The following CDH18 variants were observed in gnomAD, a reference collection of about 807,000 sequenced individuals.
CDH18 encodes the protein cadherin 18, also known as cadherin-18.
In CDH18, 31 loss-of-function variants were observed where a neutral mutation model predicts 67.9. The ratio of observed to expected loss-of-function variants is 0.46; its 90% CI spans 0.34 to 0.62. CDH18 has a LOEUF of 0.62. Among genes scored for constraint, CDH18 ranks in the 20% least tolerant of loss-of-function variants. The probability of loss-of-function intolerance (pLI) is 0.01; values close to 1 mark genes in which losing one functional copy is unlikely to be tolerated. For missense variants in CDH18, 890 were observed against 975.5 expected (o/e 0.91, Z 1.17); for synonymous variants, 362 against 347.2 (o/e 1.04, Z -0.48).
chr5:19,742,185 C>T (rs1256228722), intron 4 of CDH18, among the ~76,000 whole-genome samples: 1 of 152,068 alleles, frequency 6.6e-6, no homozygotes, highest in Non-Finnish European at 1.5e-5. Flanking sequence ...TTATGCTTTT[C>T]TCACTGGCAA....
chr5:19,802,744 A>G (rs1489353190), intron 3 of CDH18, among the ~76,000 whole-genome samples: 1 of 152,212 alleles, frequency 6.6e-6, no homozygotes, highest in Non-Finnish European at 1.5e-5. Context: ...CTGGCTCATG[A>G]CTTAGGCTGG....
chr5:20,128,948 G>A (rs1244459325), intron 2 of CDH18, among the ~76,000 whole-genome samples: 3 of 151,930 alleles, frequency 2.0e-5, no homozygotes, highest in Admixed American at 2.0e-4. Context: ...TAAAGGAAGA[G>A]GTCAGCAGTT....
chr5:20,221,676 T>A (rs1278488290), intron 2 of CDH18, among the ~76,000 whole-genome samples: 6 of 152,146 alleles, frequency 3.9e-5, no homozygotes, highest in Non-Finnish European at 7.3e-5. Context: ...ATACCCAATT[T>A]ACCTAATGTG....
At position 20,080,685 on chromosome 5, in the gene CDH18, T is replaced by C. The variant is rs1009171769; in HGVS notation, c.-517-88671A>G. Reference sequence around the variant, plus strand: ...AAAGTAGTAAAACAAACTATAATTGTCCATTTTATAGAAAGAAAAAAGAAA... The same window carrying C: ...AAAGTAGTAAAACAAACTATAATTGCCCATTTTATAGAAAGAAAAAAGAAA... On this transcript the variant is annotated intron_variant, in intron 2 of 14. Coordinates refer to the CDH18 transcript ENST00000507958. Among the ~76,000 whole-genome samples the C allele has an allele frequency of 2.0e-5, 3 of 151,068 alleles. 1 individual carries two copies. Among genetic ancestry groups the C allele is most frequent in the Non-Finnish European group, 4.4e-5 (3 of 67,850 alleles).
intron 2 of CDH18, among the ~76,000 whole-genome samples, chr5:20,095,086 A>G (rs1375124832): frequency 3.3e-5 from 5 of 151,940 alleles, no homozygotes; most frequent in Non-Finnish European, 7.4e-5. Context: ...GTTCTCACTC[A>G]TAAGTGGAAG....
intron 3 of CDH18, among the ~76,000 whole-genome samples, chr5:19,811,496 C>T (rs74603496): frequency 9.1e-4 from 138 of 152,212 alleles, no homozygotes; most frequent in East Asian, 2.7e-3. Context: ...ATCCTGCTCA[C>T]CTCATGATTT....
intron 5 of CDH18, among the ~76,000 whole-genome samples, chr5:19,702,148 C>CTCT (rs1554008475): frequency 7.0e-5 from 8 of 114,884 alleles, no homozygotes; most frequent in Admixed American, 2.0e-4. Context: ...CTTTCTCTCT[C>CTCT]TTTTTTTTTT....
intron 2 of CDH18, among the ~76,000 whole-genome samples, chr5:19,965,805 T>C (rs1421027766): frequency 6.6e-6 from 1 of 152,086 alleles, no homozygotes; most frequent in Non-Finnish European, 1.5e-5. Flanking sequence ...TGTGAGGTTC[T>C]TGTGGGAACA....
intron 2 of CDH18, among the ~76,000 whole-genome samples, chr5:19,957,026 G>C (rs1039526351): frequency 6.6e-6 from 1 of 151,712 alleles, no homozygotes; most frequent in Non-Finnish European, 1.5e-5. Context: ...AACAATTTCT[G>C]CCCTGGTAGG....
intron 2 of CDH18, among the ~76,000 whole-genome samples, chr5:20,091,147 G>C (rs1745383812): frequency 6.6e-6 from 1 of 151,880 alleles, no homozygotes; most frequent in Non-Finnish European, 1.5e-5. Flanking sequence ...GAGTACAAAA[G>C]TGAATGCAAG....
chr5:20,144,889 T>C (rs1750521392), intron 2 of CDH18, among the ~76,000 whole-genome samples: 1 of 152,094 alleles, frequency 6.6e-6, no homozygotes, highest in South Asian at 2.1e-4. Context: ...GAGAGCATCA[T>C]GTGAACTAAA....
intron 2 of CDH18, among the ~76,000 whole-genome samples, chr5:19,949,562 A>G (rs1464484250): frequency 6.6e-6 from 1 of 152,140 alleles, no homozygotes; most frequent in Admixed American, 6.6e-5. Context: ...AACTTTTGAG[A>G]ATGTCAGTCT....
chr5:19,520,582 T>C (rs999036377), intron 10 of CDH18, 75 bp downstream of exon 10: 5 of 1,300,662 alleles, frequency 3.8e-6, no homozygotes, highest in Non-Finnish European at 5.2e-6. Flanking sequence ...TGGGGGATTA[T>C]ACCTAAGAAT....
intron 1 of CDH18, among the ~76,000 whole-genome samples, chr5:20,545,821 C>A (rs543754112): frequency 1.3e-4 from 20 of 152,278 alleles, no homozygotes; most frequent in Admixed American, 1.2e-3. Context: ...CTGGGGCTGG[C>A]GTGAATAATT....
At chr5:20,165,952 T>C (rs909410735) in intron 2 of CDH18, among the ~76,000 whole-genome samples, 7 of 152,160 alleles carry the variant, frequency 4.6e-5, no homozygotes, top group Non-Finnish European at 8.8e-5. Flanking sequence ...GTGTCCATTT[T>C]TTTCTTGTTT....
intron 1 of CDH18, among the ~76,000 whole-genome samples, chr5:20,413,209 C>T (rs1008921917): frequency 6.6e-6 from 1 of 152,164 alleles, no homozygotes; most frequent in African/African-American, 2.4e-5. Flanking sequence ...TCCAGTCTAT[C>T]ATTGATGGAC....
rs117384450 is a variant in CDH18, at chr5:19,709,257, C to T, written c.643+12090G>A. On this transcript the variant is annotated intron_variant, in intron 5 of 12. Transcript: ENST00000382275. ...TACTGCATAGGATGGGAGCTTGAGA[C>T]ATTTATTTGTATTTTAAAGAAAAGG... Among the ~76,000 whole-genome samples, 154 of 152,110 alleles carry T rather than the reference C, an allele frequency of 1.0e-3. 3 individuals are homozygous for T. In the East Asian group the frequency reaches 0.022, roughly 22 times the overall value.
At chr5:20,363,740 C>A (rs1240376329) in intron 1 of CDH18, among the ~76,000 whole-genome samples, 1 of 148,498 alleles carries the variant, frequency 6.7e-6, no homozygotes, top group African/African-American at 2.5e-5. Context: ...TTTACACTTT[C>A]TCAGTTCCAG....
intron 2 of CDH18, among the ~76,000 whole-genome samples, chr5:19,920,582 C>T (rs183445938): frequency 1.9e-4 from 28 of 146,852 alleles, no homozygotes; most frequent in Middle Eastern, 3.6e-3. Context: ...GGCACGATCT[C>T]GGCTCACTGC....
Sources: allele counts gnomAD v4.1 joint callset (sites outside exome capture counted in the v4.1 genomes callset), GRCh38; gene constraint gnomAD v4.1.1; transcripts MANE v1.5; gene names NCBI Gene and HGNC (gene_info 2026-07-23, HGNC 2026-07-21).